MAL: variants seen among roughly 807,000 people sequenced by gnomAD.
The protein encoded by MAL is mal, T cell differentiation protein (MAL blood group).
MAL carries 5 observed loss-of-function variants against 16.7 expected under a neutral mutation model. That is an observed-to-expected ratio of 0.30 (90% CI 0.16 to 0.63). MAL has a LOEUF of 0.63. Ranked by LOEUF, MAL falls within the 30% of genes least tolerant of loss-of-function variation. The pLI is 0.82. For missense variants in MAL, 202 were observed against 195.8 expected (o/e 1.03, Z -0.19); for synonymous variants, 96 against 85.5 (o/e 1.12, Z -0.67).
intron 3 of MAL, chr2:95,051,788 C>T (rs1458388808): frequency 6.6e-6 from 1 of 152,176 alleles, no homozygotes; most frequent in Non-Finnish European, 1.5e-5. Flanking sequence ...GATAAAACCA[C>T]CAAGGGGAAA....
chr2:95,037,529 CGAGT>C (rs1436816987), intron 1 of MAL, among the ~76,000 whole-genome samples: 4 of 40,642 alleles, frequency 9.8e-5, no homozygotes, highest in Non-Finnish European at 2.1e-4. Context: ...AGTGAGCAAG[CGAGT>C]GAGTGACTGA....
At chr2:95,035,385 T>C (rs921485353) in intron 1 of MAL, among the ~76,000 whole-genome samples, 2 of 150,858 alleles carry the variant, frequency 1.3e-5, no homozygotes, top group Non-Finnish European at 3.0e-5. Context: ...GTAGATGTGG[T>C]AGGCAGAATT....
At chr2:95,044,629 G>A (rs1258928256) in intron 1 of MAL, 1 of 152,262 alleles carries the variant, frequency 6.6e-6, no homozygotes, top group African/African-American at 2.4e-5. Flanking sequence ...GACAACTGTG[G>A]ACAAGGTTCC....
chr2:95,041,093 C>G (rs552514896), intron 1 of MAL, among the ~76,000 whole-genome samples: 1 of 152,270 alleles, frequency 6.6e-6, no homozygotes, highest in South Asian at 2.1e-4. Flanking sequence ...GAAAAATATC[C>G]AGAGAATTTG....
intron 1 of MAL, among the ~76,000 whole-genome samples, chr2:95,039,630 G>C (rs761558769): frequency 6.6e-6 from 1 of 151,120 alleles, no homozygotes; most frequent in Non-Finnish European, 1.5e-5. Flanking sequence ...GGGTGAGTGA[G>C]TGACTGAGTG....
chr2:95,037,702 G>A (rs1674274409), intron 1 of MAL, among the ~76,000 whole-genome samples: 1 of 152,126 alleles, frequency 6.6e-6, no homozygotes, highest in African/African-American at 2.4e-5. Context: ...GTGGGTGAGT[G>A]AGTGACTGAG....
intron 1 of MAL, among the ~76,000 whole-genome samples, chr2:95,038,838 G>T (rs1674342348): frequency 6.9e-6 from 1 of 143,924 alleles, no homozygotes; most frequent in Non-Finnish European, 1.5e-5. Context: ...GTGAGCAAGT[G>T]AGTGAATGAC....
chr2:95,053,534 C>A lies in MAL; in HGVS notation c.*79C>A. ...CTTTCCGGCATAACTTTTTAGAAAA[C>A]AGAAATGCCCTTGATGGTGGAAAAA... On this transcript the variant is annotated 3_prime_UTR_variant, in exon 4 of 4. Coordinates refer to ENST00000309988, the MANE Select transcript of MAL (RefSeq NM_002371.4). 3 of 1,124,746 alleles carry A rather than the reference C, an allele frequency of 2.7e-6. No homozygotes were observed. Among genetic ancestry groups the A allele is most frequent in the South Asian group, 1.2e-5 (1 of 80,380 alleles). The allele number at this position is 1,124,746 out of a possible 1,614,324, so 69.7% of individuals were successfully genotyped here.
At position 95,040,357 on chromosome 2, in the gene MAL, A is replaced by G. The variant is rs116135355; in HGVS notation, c.94-7602A>G. On this transcript the variant is annotated intron_variant, in intron 1 of 3. Transcript: ENST00000309988. ...TACACACATGTGCATACATACACAT[A>G]CTTATAGGCACATGCATGCACATAT... 3.0e-3 allele frequency among the ~76,000 whole-genome samples: 457 copies of G among 152,202 alleles called. 3 individuals carry two copies. The highest frequency in any genetic ancestry group is 0.011 in the African/African-American group (440 of 41,522).
At chr2:95,049,483 G>T (rs1234125537) in intron 2 of MAL, 98 bp from the exon 3 acceptor site, 32 of 1,485,266 alleles carry the variant, frequency 2.2e-5, no homozygotes, top group Non-Finnish European at 2.9e-5. Context: ...AAAGGAAGTG[G>T]GGGGAGAGGC....
At position 95,049,829 on chromosome 2, in the gene MAL, C is replaced by T. The variant is rs953911565; in HGVS notation, c.387+123C>T. On this transcript the variant is annotated intron_variant, in intron 3 of 3. Coordinates refer to ENST00000309988, the MANE Select transcript of MAL (RefSeq NM_002371.4). ...CACTAACTTTTGAGTGAGGTCAAAC[C>T]TTGCCTTCATGCCTGGAGCAGGAAA... 7.9e-6 allele frequency: 11 copies of T among 1,391,938 alleles called. No homozygotes were observed. The South Asian group carries it at 1.2e-4, about 16-fold the overall frequency. The allele number at this position is 1,391,938 out of a possible 1,614,324, so 86.2% of individuals were successfully genotyped here.
chr2:95,037,025 ATGAGTGACTGAGTGGGTGAG>A (rs1674233278), intron 1 of MAL, among the ~76,000 whole-genome samples: 3 of 74,078 alleles, frequency 4.0e-5, no homozygotes, highest in South Asian at 5.1e-4. Context: ...GAGTGAGTGA[ATGAGTGACTGAGTGGGTGAG>A]TGAGTGACTG....
intron 1 of MAL, among the ~76,000 whole-genome samples, chr2:95,047,563 A>C (rs1346852900): frequency 1.3e-5 from 2 of 152,158 alleles, no homozygotes; most frequent in Admixed American, 1.3e-4. Flanking sequence ...TCTACCAAAA[A>C]TAGAAAAATT....
At position 95,049,573 on chromosome 2, in the gene MAL, C is replaced by A. The variant is rs745931858; in HGVS notation, c.262-8C>A. The A allele has an allele frequency of 5.0e-6, 8 of 1,614,094 alleles. No homozygotes were observed. The Admixed American group carries it at 1.0e-4, about 20-fold the overall frequency. ...CCCCATCCCTCTGACACCCCGTCTG[C>A]CCCATAGGACGCAGCCTACCACTGC... is the stretch of plus-strand genomic sequence containing the variant. On this transcript the variant is annotated splice_region_variant and splice_polypyrimidine_tract_variant and intron_variant, in intron 2 of 3. Transcript: ENST00000309988.
intron 1 of MAL, among the ~76,000 whole-genome samples, chr2:95,030,380 G>T (rs192041175): frequency 6.6e-6 from 1 of 152,124 alleles, no homozygotes; most frequent in Non-Finnish European, 1.5e-5. Context: ...TTTGCTTCTC[G>T]TCTGCTCCCC....
chr2:95,029,950 CTTGA>C (rs1254443859), intron 1 of MAL, among the ~76,000 whole-genome samples: 1 of 152,158 alleles, frequency 6.6e-6, no homozygotes, highest in African/African-American at 2.4e-5. Context: ...GTGTGAAATG[CTTGA>C]TTATTTTTTA....
chr2:95,047,899 G>T, intron 1 of MAL, 60 bp from the exon 2 acceptor site: 2 of 1,541,180 alleles, frequency 1.3e-6, no homozygotes, highest in Admixed American at 1.8e-5. Context: ...CTGGTCGGGG[G>T]CCCTTCCTGG....
rs890858894 is a variant in MAL at position 95,041,040 on chromosome 2, A to G, written c.94-6919A>G. 5.3e-5 allele frequency among the ~76,000 whole-genome samples: 8 copies of G among 152,234 alleles called. No homozygotes were observed. The South Asian group carries it at 1.0e-3, about 20-fold the overall frequency. On this transcript the variant is annotated intron_variant, in intron 1 of 3. Coordinates refer to ENST00000309988, the MANE Select transcript of MAL (RefSeq NM_002371.4). ...CATGTCTTGATGTGTCCTTGGAAGA[A>G]TTTCCGTTTGTGGAGGCCCTAACAG...
At chr2:95,040,237 G>A (rs1376692575) in intron 1 of MAL, among the ~76,000 whole-genome samples, 2 of 151,356 alleles carry the variant, frequency 1.3e-5, no homozygotes, top group Non-Finnish European at 2.9e-5. Context: ...ATGCATATGC[G>A]GCACCATACA....
Sources: gnomAD v4.1 joint callset for allele counts (sites outside exome capture counted in the v4.1 genomes callset) on GRCh38, gnomAD v4.1.1 for gene constraint, MANE v1.5 for transcripts, NCBI Gene and HGNC (gene_info 2026-07-23, HGNC 2026-07-21) for gene names.